The following DPPA2 variants were observed in gnomAD, a reference collection of about 807,000 sequenced individuals.
DPPA2 encodes developmental pluripotency-associated protein 2.
DPPA2 carries 26 observed loss-of-function variants against 36.2 expected under a neutral mutation model. The ratio of observed to expected loss-of-function variants is 0.72; its 90% confidence interval spans 0.53 to 1.00. DPPA2 has a LOEUF of 1.00. Ranked by LOEUF, DPPA2 falls within the 50% of genes least tolerant of loss-of-function variation. The pLI is 0.00. For missense variants in DPPA2, 361 were observed against 365.1 expected, an observed-to-expected ratio of 0.99 and a Z score of 0.09; for synonymous variants, 113 against 123.2, an observed-to-expected ratio of 0.92 and a Z score of 0.55.
At chr3:109,312,018 C>A (rs974519021) in intron 3 of DPPA2, among the ~76,000 whole-genome samples, 1 of 152,120 alleles carries the variant, frequency 6.6e-6, no homozygotes, top group Non-Finnish European at 1.5e-5. Flanking sequence ...CTGTCCAAAG[C>A]GCTCCCCATG....
chr3:109,297,146 C>T (rs1707368509), intron 8 of DPPA2, among the ~76,000 whole-genome samples: 1 of 151,758 alleles, frequency 6.6e-6, no homozygotes, highest in Admixed American at 6.6e-5. Flanking sequence ...GAAAAGACAC[C>T]ACACCAAAGA....
At chr3:109,305,785 A>C (rs1331444874) in intron 6 of DPPA2, among the ~76,000 whole-genome samples, 2 of 151,974 alleles carry the variant, frequency 1.3e-5, no homozygotes, top group African/African-American at 4.8e-5. Flanking sequence ...AAAAAAAAAA[A>C]AAAAAAACGC....
chr3:109,311,153 G>A (rs1285429135), intron 3 of DPPA2, among the ~76,000 whole-genome samples: 2 of 152,118 alleles, frequency 1.3e-5, no homozygotes, highest in East Asian at 3.9e-4. Context: ...GCTACATATA[G>A]CAGCCTGTTA....
intron 7 of DPPA2, among the ~76,000 whole-genome samples, chr3:109,300,659 T>G (rs1707441294): frequency 6.6e-6 from 1 of 151,844 alleles, no homozygotes; most frequent in South Asian, 2.1e-4. Context: ...CTGTGTCTGC[T>G]AAAATTACAA....
intron 6 of DPPA2, among the ~76,000 whole-genome samples, chr3:109,305,007 ATGGTG>A: frequency 6.6e-6 from 1 of 151,932 alleles, no homozygotes; most frequent in South Asian, 2.1e-4. Context: ...TTAGCTGGGC[ATGGTG>A]GCACATGCCT....
At chr3:109,294,026 T>C (rs1707309465) in intron 8 of DPPA2, 22 bp from the exon 9 acceptor site, 1 of 152,104 alleles carries the variant, frequency 6.6e-6, no homozygotes, top group South Asian at 2.1e-4. Context: ...TTTGAAATGG[T>C]ATATTTAAGA....
intron 7 of DPPA2, among the ~76,000 whole-genome samples, chr3:109,302,795 C>T (rs1270058723): frequency 1.3e-5 from 2 of 150,942 alleles, no homozygotes; most frequent in African/African-American, 4.9e-5. Context: ...CTCCACACCT[C>T]TCTCATCTCA....
At chr3:109,301,497 C>G (rs1707456344) in intron 7 of DPPA2, among the ~76,000 whole-genome samples, 1 of 151,786 alleles carries the variant, frequency 6.6e-6, no homozygotes, top group South Asian at 2.1e-4. Context: ...ACTAAAAATA[C>G]AAAAATTAGC....
intron 6 of DPPA2, among the ~76,000 whole-genome samples, chr3:109,305,660 G>A (rs556463480): frequency 6.4e-4 from 98 of 152,036 alleles, no homozygotes; most frequent in African/African-American, 2.2e-3. Context: ...TGTAATCCCA[G>A]CTACTCAGGA....
intron 7 of DPPA2, among the ~76,000 whole-genome samples, chr3:109,301,561 A>C (rs1161363491): frequency 6.6e-6 from 1 of 152,048 alleles, no homozygotes; most frequent in African/African-American, 2.4e-5. Flanking sequence ...CTGAGGCAGG[A>C]GAATCGCTTG....
intron 7 of DPPA2, among the ~76,000 whole-genome samples, chr3:109,303,026 C>A (rs1028080282): frequency 1.3e-5 from 2 of 152,128 alleles, no homozygotes; most frequent in African/African-American, 4.8e-5. Flanking sequence ...TCCTCCACTC[C>A]CCAAACTCAT....
chr3:109,303,089 T>C (rs1295621798), intron 7 of DPPA2, among the ~76,000 whole-genome samples: 3 of 152,062 alleles, frequency 2.0e-5, no homozygotes, highest in Non-Finnish European at 4.4e-5. Flanking sequence ...CTAAATATAT[T>C]ATATTCTTTA....
At chr3:109,302,470 T>G (rs1707471611) in intron 7 of DPPA2, among the ~76,000 whole-genome samples, 1 of 152,222 alleles carries the variant, frequency 6.6e-6, no homozygotes, top group East Asian at 1.9e-4. Flanking sequence ...CTTTTGTTTT[T>G]GAGACGGAGT....
intron 2 of DPPA2, among the ~76,000 whole-genome samples, chr3:109,313,700 T>C (rs546029130): frequency 5.7e-4 from 87 of 152,322 alleles, no homozygotes; most frequent in African/African-American, 2.1e-3. Context: ...ATAAACTCCA[T>C]TCCAGTCCTA....
In DPPA2 at chr3:109,311,601, G is replaced by A. The variant is rs530256697; in HGVS notation, c.181+944C>T. 2.8e-4 allele frequency among the ~76,000 whole-genome samples: 42 copies of A among 152,030 alleles called. No homozygotes were observed. In the Middle Eastern group the frequency reaches 0.017, roughly 62 times the overall value. On this transcript the variant is annotated intron_variant, in intron 3 of 8. Coordinates refer to ENST00000478945, the MANE Select transcript of DPPA2 (RefSeq NM_138815.4). Reference sequence around the variant, plus strand: ...TTAAAAATACAAACATTAGCTGGGCGTGGTGGTGGGCGCCTGTAATTACAG... The same window carrying A: ...TTAAAAATACAAACATTAGCTGGGCATGGTGGTGGGCGCCTGTAATTACAG...
At chr3:109,313,910 T>C (rs1269103946) in intron 2 of DPPA2, among the ~76,000 whole-genome samples, 1 of 152,154 alleles carries the variant, frequency 6.6e-6, no homozygotes, top group African/African-American at 2.4e-5. Context: ...GCCAATTCAG[T>C]CCTTTAGCCA....
intron 5 of DPPA2, among the ~76,000 whole-genome samples, chr3:109,308,740 G>A (rs1222470166): frequency 6.6e-6 from 1 of 152,158 alleles, no homozygotes; most frequent in Non-Finnish European, 1.5e-5. Context: ...CCCATAAACT[G>A]TAAATTCTCC....
At position 109,312,799 on chromosome 3, in the gene DPPA2, T is replaced by C. The variant is rs1001509154; in HGVS notation, c.34-107A>G. On this transcript the variant is annotated intron_variant, in intron 2 of 8. Transcript: ENST00000478945. ...AGGAACTGAGAAGACAGTAGGTGGA[T>C]GGAGAAAAGAATTACTGGGATTCCT... 2.0e-5 allele frequency: 27 copies of C among 1,323,596 alleles called. No individual in the cohort carries two copies. The Middle Eastern group carries it at 9.6e-4, about 47-fold the overall frequency. The allele number at this position is 1,323,596 out of a possible 1,614,324, so 82.0% of individuals were successfully genotyped here.
intron 8 of DPPA2, among the ~76,000 whole-genome samples, chr3:109,296,686 A>G (rs1707357170): frequency 2.2e-5 from 1 of 44,756 alleles, no homozygotes; most frequent in African/African-American, 8.4e-5. Context: ...CAAAAAAAAT[A>G]ATAAAAAAAA....
Sources: allele counts gnomAD v4.1 joint callset (sites outside exome capture counted in the v4.1 genomes callset), GRCh38; gene constraint gnomAD v4.1.1; transcripts MANE v1.5; gene names NCBI Gene and HGNC (gene_info 2026-07-23, HGNC 2026-07-21).